Variants in FBXO11 observed in about 807,000 individuals in gnomAD.
The protein encoded by FBXO11 is F-box only protein 11.
Under a neutral mutation model 117.0 loss-of-function variants are expected in FBXO11, and 13 were observed. The ratio of observed to expected loss-of-function variants is 0.11; its 90% confidence interval spans 0.07 to 0.18. The LOEUF (loss-of-function observed/expected upper bound fraction) is 0.18, where lower values mean the gene tolerates loss of function less well. Ranked by LOEUF, FBXO11 falls within the 10% of genes least tolerant of loss-of-function variation. The pLI, the probability that FBXO11 is intolerant of heterozygous loss-of-function variation, is 1.00. For missense variants in FBXO11, 767 were observed against 1,164.4 expected (o/e 0.66, Z 4.97); for synonymous variants, 490 against 380.5 (o/e 1.29, Z -3.35).
At chr2:47,858,876 T>C (rs1323173454) in intron 1 of FBXO11, among the ~76,000 whole-genome samples, 4 of 149,848 alleles carry the variant, frequency 2.7e-5, no homozygotes, top group Admixed American at 6.6e-5. Context: ...CCGTCTCTAC[T>C]AAAAATACAA....
In FBXO11 at chr2:47,894,453, G is replaced by C. The variant is rs1005360265; in HGVS notation, c.232+11036C>G. 5.9e-5 allele frequency among the ~76,000 whole-genome samples: 9 copies of C among 152,116 alleles called. No individual in the cohort carries two copies. In the East Asian group the frequency reaches 1.7e-3, roughly 29 times the overall value. On this transcript the variant is annotated intron_variant, in intron 1 of 22. Coordinates refer to ENST00000403359, the MANE Select transcript of FBXO11 (RefSeq NM_001190274.2). Reference sequence around the variant, plus strand: ...AAGAAACAGGTTCCAAACTTAAGTGGAGAAACAAAATTACTTATCACCACT... The same window carrying C: ...AAGAAACAGGTTCCAAACTTAAGTGCAGAAACAAAATTACTTATCACCACT...
chr2:47,892,339 C>T (rs367917892), intron 1 of FBXO11, among the ~76,000 whole-genome samples: 84 of 152,296 alleles, frequency 5.5e-4, no homozygotes, highest in African/African-American at 1.9e-3. Context: ...ATATTTCACC[C>T]GAAAGGGTAT....
chr2:47,898,162 CG>C (rs1303142074), intron 1 of FBXO11, among the ~76,000 whole-genome samples: 1 of 152,116 alleles, frequency 6.6e-6, no homozygotes, highest in Non-Finnish European at 1.5e-5. Context: ...CTATCTTATT[CG>C]GGGTGTTTAA....
intron 3 of FBXO11, 96 bp downstream of exon 3, chr2:47,839,322 AG>A: frequency 9.2e-7 from 1 of 1,082,424 alleles, no homozygotes. Context: ...TGAATCCCAA[AG>A]GTAATACTCG....
rs114034994 is a variant in FBXO11 at position 47,829,834 on chromosome 2, T to G, written c.1398+2515A>C. ...GTAGTAAAACGTATGAGGTATACAT[T>G]AAACAAAATTGGCCATGAAATGATA... On this transcript the variant is annotated intron_variant, in intron 11 of 22. Coordinates refer to ENST00000403359, the MANE Select transcript of FBXO11 (RefSeq NM_001190274.2). 6.2e-3 allele frequency among the ~76,000 whole-genome samples: 944 copies of G among 152,232 alleles called. 7 individuals are homozygous for G. The highest frequency in any genetic ancestry group is 0.022 in the African/African-American group (902 of 41,524).
rs527965373 is a variant in FBXO11, at chr2:47,854,896, G to A, written c.233-15127C>T. On this transcript the variant is annotated intron_variant, in intron 1 of 22. Transcript: ENST00000403359. Reference sequence around the variant, plus strand: ...TTTTAGTGGAAAAATTTCAATTACTGTTGTAACATTCATCAAACCTTTTAT... The same window carrying A: ...TTTTAGTGGAAAAATTTCAATTACTATTGTAACATTCATCAAACCTTTTAT... Among the ~76,000 whole-genome samples, 4 of 143,720 alleles carry A rather than the reference G, an allele frequency of 2.8e-5. No individual in the cohort carries two copies. In the South Asian group the frequency reaches 8.8e-4, roughly 32 times the overall value. 94.3% of individuals were successfully genotyped at this position (143,720 alleles called of 152,430 possible).
At chr2:47,858,744 C>T (rs191221799) in intron 1 of FBXO11, among the ~76,000 whole-genome samples, 3 of 146,182 alleles carry the variant, frequency 2.1e-5, no homozygotes, top group Admixed American at 6.8e-5. Flanking sequence ...AAAACCTGAA[C>T]TGACTTATCT....
chr2:47,870,942 C>A (rs1213733289), intron 1 of FBXO11, among the ~76,000 whole-genome samples: 1 of 152,228 alleles, frequency 6.6e-6, no homozygotes, highest in African/African-American at 2.4e-5. Context: ...AGGACATGCA[C>A]ATACTACTAC....
At chr2:47,837,854 C>T (rs1672706535) in intron 4 of FBXO11, among the ~76,000 whole-genome samples, 3 of 152,160 alleles carry the variant, frequency 2.0e-5, no homozygotes, top group South Asian at 2.1e-4. Context: ...CCTCAGCCTC[C>T]GGAGTAGCTG....
At chr2:47,823,412 G>C (rs1335097536) in intron 11 of FBXO11, 52 bp from the exon 12 acceptor site, 4 of 1,324,144 alleles carry the variant, frequency 3.0e-6, no homozygotes, top group Non-Finnish European at 4.1e-6. Context: ...TACAAAAAAA[G>C]AAATGCCATT....
intron 1 of FBXO11, among the ~76,000 whole-genome samples, chr2:47,843,677 T>C (rs906651942): frequency 1.3e-5 from 2 of 152,228 alleles, no homozygotes; most frequent in African/African-American, 2.4e-5. Context: ...CTAGTATTTT[T>C]TAAATCCTTT....
At chr2:47,841,452 A>G (rs956767069) in intron 1 of FBXO11, among the ~76,000 whole-genome samples, 1 of 152,192 alleles carries the variant, frequency 6.6e-6, no homozygotes. Context: ...CCAGTAGTGT[A>G]TATATCTCCT....
intron 1 of FBXO11, among the ~76,000 whole-genome samples, chr2:47,860,341 TAATA>T (rs1337329547): frequency 6.6e-6 from 1 of 151,840 alleles, no homozygotes; most frequent in Non-Finnish European, 1.5e-5. Flanking sequence ...CATGGCTAGC[TAATA>T]AATTTAAACA....
intron 11 of FBXO11, among the ~76,000 whole-genome samples, chr2:47,826,891 T>C (rs1671794252): frequency 6.6e-6 from 1 of 152,088 alleles, no homozygotes; most frequent in African/African-American, 2.4e-5. Flanking sequence ...TCATCTCCTA[T>C]AAATCACCTC....
chr2:47,837,338 C>A (rs1201902489), intron 4 of FBXO11, among the ~76,000 whole-genome samples: 1 of 152,098 alleles, frequency 6.6e-6, no homozygotes, highest in Admixed American at 6.5e-5. Flanking sequence ...ACCAGCCTAG[C>A]CAACATGGTG....
chr2:47,900,121 T>A (rs74827261), intron 1 of FBXO11, among the ~76,000 whole-genome samples: 2 of 152,062 alleles, frequency 1.3e-5, no homozygotes, highest in East Asian at 1.9e-4. Flanking sequence ...TTAGGCCTTA[T>A]CAGCAGAGCT....
At chr2:47,887,794 G>C (rs1452447978) in intron 1 of FBXO11, among the ~76,000 whole-genome samples, 1 of 152,186 alleles carries the variant, frequency 6.6e-6, no homozygotes, top group Non-Finnish European at 1.5e-5. Flanking sequence ...CTGGGAGGCA[G>C]AGGCTGCAAT....
At chr2:47,809,296 T>C (rs765868245) in intron 20 of FBXO11, 30 bp from the exon 21 acceptor site, 2 of 1,369,162 alleles carry the variant, frequency 1.5e-6, no homozygotes, top group Non-Finnish European at 2.0e-6. Context: ...AAGTAAAAAT[T>C]CAGAGGAATG....
intron 4 of FBXO11, among the ~76,000 whole-genome samples, chr2:47,838,516 A>C (rs1672767531): frequency 6.7e-6 from 1 of 149,776 alleles, no homozygotes; most frequent in South Asian, 2.1e-4. Flanking sequence ...CTGTTTTCCA[A>C]AAGTGATATA....
Sources: gnomAD v4.1 joint callset for allele counts (sites outside exome capture counted in the v4.1 genomes callset) on GRCh38, gnomAD v4.1.1 for gene constraint, MANE v1.5 for transcripts, NCBI Gene and HGNC (gene_info 2026-07-23, HGNC 2026-07-21) for gene names.